The following KALRN variants were observed in gnomAD, a reference collection of about 807,000 sequenced individuals.
KALRN encodes kalirin RhoGEF kinase.
Under a neutral mutation model 353.7 loss-of-function variants are expected in KALRN, and 70 were observed. That is an observed-to-expected ratio of 0.20 (90% CI 0.16 to 0.24). The LOEUF (loss-of-function observed/expected upper bound fraction) is 0.24, where lower values mean the gene tolerates loss of function less well. Among genes scored for constraint, KALRN ranks in the 10% least tolerant of loss-of-function variants. The pLI, the probability that KALRN is intolerant of heterozygous loss-of-function variation, is 1.00. For synonymous variants in KALRN, 1,391 were observed against 1,434.8 expected (o/e 0.97, Z 0.69); for missense variants, 2,791 against 3,756.7 (o/e 0.74, Z 6.72).
At chr3:124,609,538 G>T (rs2077702589) in intron 34 of KALRN, among the ~76,000 whole-genome samples, 1 of 152,192 alleles carries the variant, frequency 6.6e-6, no homozygotes, top group Non-Finnish European at 1.5e-5. Flanking sequence ...GGTTATAAAA[G>T]TGGGTAAAGG....
At chr3:124,325,889 GCAGCTC>G in intron 6 of KALRN, 85 bp from the exon 7 acceptor site, 1 of 1,081,374 alleles carries the variant, frequency 9.2e-7, no homozygotes, top group Non-Finnish European at 1.4e-6. Context: ...TTTGTTTTGG[GCAGCTC>G]CCTTCCCCAA....
At chr3:124,218,621 A>T (rs2077575465) in intron 1 of KALRN, among the ~76,000 whole-genome samples, 2 of 152,346 alleles carry the variant, frequency 1.3e-5, no homozygotes, top group Admixed American at 6.5e-5. Context: ...AATCAGTTTC[A>T]AAACAAACAC....
intron 5 of KALRN, among the ~76,000 whole-genome samples, chr3:124,280,614 T>A (rs1348767850): frequency 1.3e-5 from 2 of 152,098 alleles, no homozygotes; most frequent in Non-Finnish European, 2.9e-5. Flanking sequence ...CAGGTGAGAA[T>A]GAGATTTTGT....
intron 51 of KALRN, among the ~76,000 whole-genome samples, chr3:124,684,246 T>C (rs1053777526): frequency 6.6e-6 from 1 of 151,872 alleles, no homozygotes; most frequent in Non-Finnish European, 1.5e-5. Flanking sequence ...TGCTTGCTAT[T>C]CCCCCACCTA....
At chr3:124,460,627 A>G (rs2059761294) in intron 23 of KALRN, among the ~76,000 whole-genome samples, 1 of 152,130 alleles carries the variant, frequency 6.6e-6, no homozygotes, top group South Asian at 2.1e-4. Context: ...GATCTTGTTT[A>G]ATACTTGCAG....
intron 51 of KALRN, among the ~76,000 whole-genome samples, chr3:124,687,642 A>G (rs1156400728): frequency 8.4e-6 from 1 of 118,798 alleles, no homozygotes; most frequent in Non-Finnish European, 2.1e-5. Flanking sequence ...ATTAATGATT[A>G]TACATTTTTT....
chr3:124,490,824 T>C lies in KALRN; in HGVS notation c.4527T>C (p.Phe1509=), dbSNP rs377637488. The change falls in exon 30 of 60, where the codon TTT becomes TTC. Residue 1509 remains phenylalanine, a synonymous_variant. Coordinates refer to ENST00000682506, the MANE Select transcript of KALRN (RefSeq NM_001388419.1). The part of the protein sequence containing the change: ...HLFLFEISLV[F]SKEIKDSSGH... Reference sequence around the variant, plus strand: ...TCCTCTTTGAGATCTCCTTGGTTTTTAGCAAGGAGATCAAAGATTCTTCAG... The same window carrying C: ...TCCTCTTTGAGATCTCCTTGGTTTTCAGCAAGGAGATCAAAGATTCTTCAG... 1.6e-5 allele frequency: 26 copies of C among 1,613,862 alleles called. No homozygotes were observed. Among genetic ancestry groups the C allele is most frequent in the East Asian group, 2.2e-5 (1 of 44,862 alleles).
At chr3:124,294,508 G>C (rs1260553449) in intron 5 of KALRN, among the ~76,000 whole-genome samples, 3 of 130,744 alleles carry the variant, frequency 2.3e-5, no homozygotes, top group Admixed American at 1.6e-4. Flanking sequence ...CTGAGACTAA[G>C]AAGATTCTCT....
At chr3:124,396,963 G>A (rs1371471824) in intron 12 of KALRN, among the ~76,000 whole-genome samples, 1 of 152,236 alleles carries the variant, frequency 6.6e-6, no homozygotes, top group Non-Finnish European at 1.5e-5. Flanking sequence ...TTGACAGGAT[G>A]CCTCACACAC....
chr3:124,381,211 GA>G (rs1236432659), intron 10 of KALRN, among the ~76,000 whole-genome samples: 1 of 152,202 alleles, frequency 6.6e-6, no homozygotes, highest in African/African-American at 2.4e-5. Context: ...GAATGAATAA[GA>G]GTTGGTCAAA....
chr3:124,577,398 T>A (rs1403766572), intron 34 of KALRN, among the ~76,000 whole-genome samples: 1 of 152,138 alleles, frequency 6.6e-6, no homozygotes, highest in East Asian at 1.9e-4. Context: ...AGGAGCTGTC[T>A]GTCACCAAGT....
intron 37 of KALRN, among the ~76,000 whole-genome samples, chr3:124,640,237 C>A (rs1198324084): frequency 4.6e-5 from 7 of 151,618 alleles, no homozygotes; most frequent in Non-Finnish European, 8.8e-5. Context: ...GGTATTCAAA[C>A]CATACACATC....
At chr3:124,511,377 C>G (rs1329330813) in intron 33 of KALRN, among the ~76,000 whole-genome samples, 3 of 152,224 alleles carry the variant, frequency 2.0e-5, no homozygotes, top group Non-Finnish European at 2.9e-5. Flanking sequence ...TCATATACCA[C>G]ATCCTTGATC....
At chr3:124,523,850 A>G (rs572763703) in intron 33 of KALRN, among the ~76,000 whole-genome samples, 2 of 152,312 alleles carry the variant, frequency 1.3e-5, no homozygotes, top group East Asian at 3.9e-4. Context: ...ACAAGGAGCT[A>G]TCTTCCTTCT....
At chr3:124,191,927 A>G (rs1201808827) in intron 1 of KALRN, among the ~76,000 whole-genome samples, 1 of 152,214 alleles carries the variant, frequency 6.6e-6, no homozygotes, top group African/African-American at 2.4e-5. Flanking sequence ...CTAGGGAACA[A>G]TTTGTGGCCA....
chr3:124,477,317 G>A lies in KALRN; in HGVS notation c.4174G>A (p.Ala1392Thr). 1 of 1,613,332 alleles carries A rather than the reference G, an allele frequency of 6.2e-7. No individual in the cohort carries two copies. The highest frequency in any genetic ancestry group is 8.5e-7 in the Non-Finnish European group (1 of 1,179,372). Residue 1392 changes from alanine (A) to threonine (T), a missense_variant, in exon 27 of 60, where the codon GCG becomes ACG. By Grantham distance (58) the Ala-to-Thr change is moderately conservative. Transcript: ENST00000682506. ...TTCCAACCAGCTTATCCTGGAGCAT[G>A]CGGGCACCTTCTTTGATGTAAGCTG... ...PDSNQLILEH[A>T]GTFFDEIQQR...
intron 34 of KALRN, among the ~76,000 whole-genome samples, chr3:124,601,669 A>T (rs1336553810): frequency 6.6e-6 from 1 of 152,170 alleles, no homozygotes; most frequent in Non-Finnish European, 1.5e-5. Context: ...ATGATCTTGG[A>T]TGTATTCCTT....
chr3:124,244,698 C>T (rs927560317), intron 3 of KALRN, among the ~76,000 whole-genome samples: 1 of 152,176 alleles, frequency 6.6e-6, no homozygotes, highest in Non-Finnish European at 1.5e-5. Flanking sequence ...AACCATATCA[C>T]TGGGCATCTA....
At chr3:124,141,859 A>G (rs1312411856) in intron 1 of KALRN, among the ~76,000 whole-genome samples, 1 of 151,998 alleles carries the variant, frequency 6.6e-6, no homozygotes, top group Non-Finnish European at 1.5e-5. Flanking sequence ...ATTAAATCTC[A>G]GCATCTCAGA....
Sources: gnomAD v4.1 joint callset for allele counts (sites outside exome capture counted in the v4.1 genomes callset) on GRCh38, gnomAD v4.1.1 for gene constraint, MANE v1.5 for transcripts, NCBI Gene and HGNC (gene_info 2026-07-23, HGNC 2026-07-21) for gene names.